Variants in NLRC4 observed in about 807,000 individuals in gnomAD.
NLRC4 encodes NLR family CARD domain-containing protein 4.
Under a neutral mutation model 79.9 loss-of-function variants are expected in NLRC4, and 63 were observed. The observed-to-expected ratio is 0.79, with a 90% confidence interval of 0.64 to 0.97. The LOEUF (loss-of-function observed/expected upper bound fraction) is 0.97, where lower values mean the gene tolerates loss of function less well. Ranked by LOEUF, NLRC4 falls within the 50% of genes least tolerant of loss-of-function variation. The pLI, the probability that NLRC4 is intolerant of heterozygous loss-of-function variation, is 0.00. For missense variants in NLRC4, 1,074 were observed against 1,215.2 expected, an observed-to-expected ratio of 0.88 and a Z score of 1.73; for synonymous variants, 461 against 456.5, an observed-to-expected ratio of 1.01 and a Z score of -0.12.
chr2:32,263,042 A>T (rs1395337062), intron 1 of NLRC4, among the ~76,000 whole-genome samples: 1 of 152,100 alleles, frequency 6.6e-6, no homozygotes. Context: ...TACTAATTCT[A>T]AAATTGGCAT....
chr2:32,250,835 G>A lies in NLRC4; in HGVS notation c.1029C>T (p.Ile343=). The A allele has an allele frequency of 6.2e-7, 1 of 1,614,184 alleles. No homozygotes were observed. The highest frequency in any genetic ancestry group is 1.1e-5 in the South Asian group (1 of 91,078). Residue 343 remains isoleucine, a synonymous_variant, in exon 4 of 9, where the codon ATC becomes ATT. Coordinates refer to ENST00000402280, the MANE Select transcript of NLRC4 (RefSeq NM_001199138.2). This position sits in a 1 kb window ranked among gnomAD's most constrained non-coding sequence, Gnocchi z 4.9. ...TTTCACCCATCTGGATTGCACAAGT[G>A]ATGACCACAAAGAGAGGGGTCTTCA... ...NLMKTPLFVV[I]TCAIQMGESE...
In NLRC4 at chr2:32,236,272, A is replaced by G. The variant is rs1573475520; in HGVS notation, c.2589T>C (p.Asp863=). ...LDLSENYLEK[D]GNEALHELID... is the part of the protein sequence containing the mutation. ...TCAGTTCATGAAGAGCTTCATTTCC[A>G]TCTTTTTCCAGGTAATTTTCTGATA... The change falls in exon 7 of 9, where the codon GAT becomes GAC. Residue 863 remains aspartate, a synonymous_variant. Coordinates refer to ENST00000402280, the MANE Select transcript of NLRC4 (RefSeq NM_001199138.2). 2 of 1,610,632 alleles carry G rather than the reference A, an allele frequency of 1.2e-6. No individual in the cohort carries two copies. The highest frequency in any genetic ancestry group is 8.5e-7 in the Non-Finnish European group (1 of 1,177,468).
chr2:32,258,525 C>T (rs142593307), intron 1 of NLRC4, among the ~76,000 whole-genome samples: 2 of 152,116 alleles, frequency 1.3e-5, no homozygotes, highest in East Asian at 3.9e-4. Context: ...TCCCTTCCCC[C>T]CTTCCCTATC....
In NLRC4 at chr2:32,252,477, G is replaced by A; in HGVS notation, c.204C>T (p.Leu68=). 6 of 1,610,982 alleles carry A rather than the reference G, an allele frequency of 3.7e-6. No individual in the cohort carries two copies. The highest frequency in any genetic ancestry group is 4.2e-6 in the Non-Finnish European group (5 of 1,177,060). Residue 68 remains leucine (L), a synonymous_variant, in exon 3 of 9, where the codon CTC becomes CTT. Transcript: ENST00000402280. ...ILKKGSESCN[L]FLKSLKEWNY... ...TCCACTCCTTAAGGGATTTAAGAAA[G>A]AGGTTACAGGACTCTGAACCCTTTT...
intron 8 of NLRC4, among the ~76,000 whole-genome samples, chr2:32,229,474 AAAAC>A (rs774631786): frequency 1.1e-4 from 17 of 152,196 alleles, no homozygotes; most frequent in Non-Finnish European, 8.8e-5. Flanking sequence ...AGCCTGGAAC[AAAAC>A]AAACAAAAAA....
Position 32,250,725 on chromosome 2 carries a change from C to A in NLRC4, c.1139G>T (p.Gly380Val). 1 of 1,614,172 alleles carries A rather than the reference C, an allele frequency of 6.2e-7. No homozygotes were observed. The highest frequency in any genetic ancestry group is 8.5e-7 in the Non-Finnish European group (1 of 1,180,018). ...LIQKNKHKHKGVAASDFIRSL... is the reference protein window; with the variant it reads ...LIQKNKHKHKVVAASDFIRSL... ...CCGAATGAAGTCACTTGCAGCCACA[C>A]CTTTATGTTTGTGTTTGTTTTTCTG... Residue 380 changes from glycine (G) to valine (V), a missense_variant, in exon 4 of 9, where the codon GGT (glycine) becomes GTT (valine). By Grantham distance (109) the Gly-to-Val change is moderately radical (BLOSUM62 -3). Coordinates refer to ENST00000402280, the MANE Select transcript of NLRC4 (RefSeq NM_001199138.2). The surrounding 1 kb of genome is among the most constrained non-coding windows in gnomAD (Gnocchi z 4.9).
intron 2 of NLRC4, among the ~76,000 whole-genome samples, chr2:32,256,047 T>G (rs560565212): frequency 1.3e-5 from 2 of 151,996 alleles, no homozygotes; most frequent in Non-Finnish European, 2.9e-5. Flanking sequence ...AAAAAATATA[T>G]ATATAAACAG....
At chr2:32,263,000 G>A (rs1446572259) in intron 1 of NLRC4, among the ~76,000 whole-genome samples, 4 of 151,824 alleles carry the variant, frequency 2.6e-5, no homozygotes, top group Non-Finnish European at 5.9e-5. Flanking sequence ...ACAGGCATAA[G>A]CCACCATGCC....
chr2:32,234,556 AT>A (rs1686628641), intron 8 of NLRC4, among the ~76,000 whole-genome samples: 1 of 152,214 alleles, frequency 6.6e-6, no homozygotes, highest in Admixed American at 6.5e-5. Flanking sequence ...ACCTCCTTGT[AT>A]TAATGTTTCC....
chr2:32,260,237 C>G (rs901219575), intron 1 of NLRC4, among the ~76,000 whole-genome samples: 1 of 124,150 alleles, frequency 8.1e-6, no homozygotes, highest in Non-Finnish European at 1.7e-5. Context: ...AAAAAAACAA[C>G]GAAAAAAAAA....
At chr2:32,238,672 C>T (rs1195854041) in intron 5 of NLRC4, among the ~76,000 whole-genome samples, 1 of 145,794 alleles carries the variant, frequency 6.9e-6, no homozygotes, top group Non-Finnish European at 1.5e-5. Context: ...AGCGGGGGGG[C>T]TGAGTTCAGG....
intron 1 of NLRC4, among the ~76,000 whole-genome samples, chr2:32,259,535 A>G (rs930778109): frequency 1.3e-5 from 2 of 152,046 alleles, no homozygotes; most frequent in African/African-American, 4.8e-5. Context: ...GTACACTTCT[A>G]TGTTCATATA....
intron 1 of NLRC4, among the ~76,000 whole-genome samples, chr2:32,258,427 G>A (rs1423076881): frequency 3.3e-5 from 5 of 152,216 alleles, no homozygotes. Flanking sequence ...GGGCGCCAAG[G>A]CAGGAGTGCC....
At chr2:32,245,955 G>C (rs1178077364) in intron 4 of NLRC4, among the ~76,000 whole-genome samples, 1 of 151,962 alleles carries the variant, frequency 6.6e-6, no homozygotes, top group Non-Finnish European at 1.5e-5. Flanking sequence ...AGGCCGAGGC[G>C]GGTGGATCAC....
rs142593307 is a variant in NLRC4 at position 32,258,525 on chromosome 2, C to G, written c.-118-1632G>C. The stretch of plus-strand genomic sequence containing the variant: ...TCTCTTCCCAGCACTTCCCTTCCCC[C>G]CTTCCCTATCAATATGAGTAATTGA... On this transcript the variant is annotated intron_variant, in intron 1 of 8. Transcript: ENST00000402280. 4.0e-3 allele frequency among the ~76,000 whole-genome samples: 612 copies of G among 152,232 alleles called. 3 individuals are homozygous for G. The highest frequency in any genetic ancestry group is 0.014 in the African/African-American group (581 of 41,530).
chr2:32,249,540 T>C (rs968624788), intron 4 of NLRC4, 67 bp downstream of exon 4: 1 of 1,315,160 alleles, frequency 7.6e-7, no homozygotes, highest in Non-Finnish European at 1.0e-6. Context: ...CTCTCTCCTT[T>C]TCCAAATTTA....
intron 4 of NLRC4, 38 bp downstream of exon 4, chr2:32,249,569 T>A (rs1687015236): frequency 3.5e-6 from 5 of 1,435,400 alleles, no homozygotes; most frequent in South Asian, 2.7e-5. Flanking sequence ...TATTTTTTTT[T>A]AAGTGAACAA....
chr2:32,235,388 T>C lies in NLRC4; in HGVS notation c.2782+13A>G, dbSNP rs1159389196. ...CAAATCCAGTTATCTTGGCTCTGTA[T>C]GTGTGTACCTACCTAAAATTCTAAT... On this transcript the variant is annotated intron_variant, in intron 8 of 8. Transcript: ENST00000402280. 4.4e-6 allele frequency: 7 copies of C among 1,607,254 alleles called. No individual in the cohort carries two copies. Among genetic ancestry groups the C allele is most frequent in the Non-Finnish European group, 5.1e-6 (6 of 1,173,812 alleles).
At position 32,250,088 on chromosome 2, in the gene NLRC4, G is replaced by T. The variant is rs186059604; in HGVS notation, c.1776C>A (p.Pro592=). The change falls in exon 4 of 9, where the codon CCC becomes CCA. Residue 592 remains proline (P), a synonymous_variant. Transcript: ENST00000402280. This position sits in a 1 kb window ranked among gnomAD's most constrained non-coding sequence, Gnocchi z 4.9. ...GTTCAAAGAAGTCAAATAAGTAATC[G>T]GGGATGTTCCCTGAGTTGATATATA... ...KSLYINSGNI[P]DYLFDFFEHL... The T allele has an allele frequency of 1.3e-5, 21 of 1,614,064 alleles. No individual in the cohort carries two copies. The highest frequency in any genetic ancestry group is 1.8e-5 in the Non-Finnish European group (21 of 1,180,032).
Sources: allele counts gnomAD v4.1 joint callset (sites outside exome capture counted in the v4.1 genomes callset), GRCh38; gene constraint gnomAD v4.1.1; non-coding constraint Gnocchi (gnomAD v3.1); transcripts MANE v1.5; gene names NCBI Gene and HGNC (gene_info 2026-07-23, HGNC 2026-07-21).